Variants in PAQR5 observed in about 807,000 individuals in gnomAD.
PAQR5 encodes progestin and adipoQ receptor family member 5.
Under a neutral mutation model 34.5 loss-of-function variants are expected in PAQR5, and 20 were observed. The observed-to-expected ratio is 0.58, with a 90% CI of 0.41 to 0.84. PAQR5 has a LOEUF of 0.84. PAQR5 is among the 40% of genes least tolerant of loss of function. The pLI, the probability that PAQR5 is intolerant of heterozygous loss-of-function variation, is 0.00. For synonymous variants in PAQR5, 131 were observed against 155.6 expected (o/e 0.84, Z 1.18); for missense variants, 378 against 412.7 (o/e 0.92, Z 0.73).
intron 1 of PAQR5, among the ~76,000 whole-genome samples, chr15:69,318,727 CTA>C (rs1455018961): frequency 1.3e-5 from 2 of 151,886 alleles, no homozygotes; most frequent in African/African-American, 4.8e-5. Flanking sequence ...CTGGTATATA[CTA>C]TGTTTTTTCC....
At chr15:69,341,245 C>T (rs963520422) in intron 2 of PAQR5, among the ~76,000 whole-genome samples, 21 of 147,984 alleles carry the variant, frequency 1.4e-4, no homozygotes, top group African/African-American at 5.2e-4. Flanking sequence ...CTATTCCAGG[C>T]ATGTCATCTC....
At chr15:69,300,419 C>A (rs931507636) in intron 1 of PAQR5, among the ~76,000 whole-genome samples, 6 of 152,094 alleles carry the variant, frequency 3.9e-5, no homozygotes, top group African/African-American at 1.4e-4. Context: ...CTTATCTCTG[C>A]CCTTGGCAAG....
intron 1 of PAQR5, among the ~76,000 whole-genome samples, chr15:69,316,410 A>G (rs1177118697): frequency 6.6e-6 from 1 of 152,130 alleles, no homozygotes; most frequent in Admixed American, 6.5e-5. Flanking sequence ...ATTTTGCCTC[A>G]GCCCTTTAAA....
intron 6 of PAQR5, among the ~76,000 whole-genome samples, chr15:69,395,780 C>CG (rs1385135554): frequency 3.3e-5 from 5 of 152,070 alleles, no homozygotes; most frequent in South Asian, 2.1e-4. Context: ...GGTTCTTTTT[C>CG]GGGGGGGATG....
chr15:69,351,457 C>T (rs2054915680), intron 2 of PAQR5, among the ~76,000 whole-genome samples: 1 of 152,252 alleles, frequency 6.6e-6, no homozygotes, highest in Non-Finnish European at 1.5e-5. Context: ...ACCTGGTATG[C>T]TGCCACGGAT....
intron 1 of PAQR5, among the ~76,000 whole-genome samples, chr15:69,299,259 G>A (rs905568758): frequency 6.6e-6 from 1 of 152,178 alleles, no homozygotes; most frequent in Non-Finnish European, 1.5e-5. Flanking sequence ...TTCACCGCAC[G>A]CGGGGCCGGT....
chr15:69,400,695 G>C (rs2056600722), intron 8 of PAQR5, among the ~76,000 whole-genome samples: 2 of 152,118 alleles, frequency 1.3e-5, no homozygotes, highest in Non-Finnish European at 2.9e-5. Flanking sequence ...AGTACATTGG[G>C]AGCAGCCGAG....
chr15:69,318,917 T>G (rs1157011822), intron 1 of PAQR5, among the ~76,000 whole-genome samples: 1 of 151,630 alleles, frequency 6.6e-6, no homozygotes, highest in Non-Finnish European at 1.5e-5. Context: ...GATCACCACC[T>G]AAGGTCGGGT....
rs1226644755 is a variant in PAQR5 at position 69,322,137 on chromosome 15, G to A, written c.-276-15204G>A. Among the ~76,000 whole-genome samples, 28 of 137,484 alleles carry A rather than the reference G, an allele frequency of 2.0e-4. 1 individual carries two copies. The highest frequency in any genetic ancestry group is 7.7e-4 in the African/African-American group (26 of 33,822). 90.2% of individuals were successfully genotyped at this position (137,484 alleles called of 152,430 possible). A position where few individuals can be genotyped will look rare whatever the true frequency, so the allele number is the denominator to read the frequency against. On this transcript the variant is annotated intron_variant, in intron 1 of 8. Transcript: ENST00000395407. ...GGAGGGTCACTTGAGACCAGCCTGG[G>A]CAACATAGTGAGACCCCATTTCTAA...
intron 2 of PAQR5, among the ~76,000 whole-genome samples, chr15:69,351,856 G>T (rs1196393923): frequency 6.6e-6 from 1 of 152,168 alleles, no homozygotes; most frequent in Non-Finnish European, 1.5e-5. Flanking sequence ...GGGATAAGTT[G>T]TTGCATTTGG....
chr15:69,305,946 G>A (rs557743165), intron 1 of PAQR5, among the ~76,000 whole-genome samples: 1 of 152,282 alleles, frequency 6.6e-6, no homozygotes, highest in African/African-American at 2.4e-5. Context: ...CAGACTGTGA[G>A]GTTTGGGATA....
intron 2 of PAQR5, among the ~76,000 whole-genome samples, chr15:69,344,325 T>A (rs8026201): frequency 6.6e-6 from 1 of 152,140 alleles, no homozygotes; most frequent in Non-Finnish European, 1.5e-5. Flanking sequence ...ATAGCTGTCA[T>A]GCCAGAGAGA....
chr15:69,397,108 C>G (rs1450379974), intron 6 of PAQR5: 1 of 455,576 alleles, frequency 2.2e-6, no homozygotes, highest in Non-Finnish European at 4.4e-6. Flanking sequence ...CCCCGATTCC[C>G]CCTACCCGTT....
intron 2 of PAQR5, among the ~76,000 whole-genome samples, chr15:69,355,963 C>T (rs1007863831): frequency 6.6e-6 from 1 of 152,046 alleles, no homozygotes; most frequent in Non-Finnish European, 1.5e-5. Flanking sequence ...CTTTCTTAAG[C>T]TATTCACTTA....
intron 2 of PAQR5, among the ~76,000 whole-genome samples, chr15:69,346,472 A>G (rs760517927): frequency 2.6e-5 from 4 of 151,606 alleles, no homozygotes; most frequent in Non-Finnish European, 4.4e-5. Flanking sequence ...TGCCCAGTTA[A>G]TATTTTTTGT....
chr15:69,359,033 G>T (rs2140837174), intron 2 of PAQR5, among the ~76,000 whole-genome samples: 1 of 152,260 alleles, frequency 6.6e-6, no homozygotes, highest in African/African-American at 2.4e-5. Context: ...TGGAGGCTGG[G>T]AAGTCCAAGG....
chr15:69,311,071 A>G (rs1285242075), intron 1 of PAQR5, among the ~76,000 whole-genome samples: 2 of 147,490 alleles, frequency 1.4e-5, no homozygotes, highest in South Asian at 4.3e-4. Context: ...AAAAAGAATA[A>G]TGAGTGTTGA....
At chr15:69,367,725 G>A (rs1364083798) in intron 3 of PAQR5, among the ~76,000 whole-genome samples, 3 of 152,164 alleles carry the variant, frequency 2.0e-5, no homozygotes, top group East Asian at 1.9e-4. Context: ...AAAAAGATTC[G>A]GGCACAGAAA....
At chr15:69,314,985 C>A (rs2053914236) in intron 1 of PAQR5, among the ~76,000 whole-genome samples, 1 of 152,138 alleles carries the variant, frequency 6.6e-6, no homozygotes. Flanking sequence ...GCCGGGCACT[C>A]TATTAAATGT....
Sources: gnomAD v4.1 joint callset for allele counts (sites outside exome capture counted in the v4.1 genomes callset) on GRCh38, gnomAD v4.1.1 for gene constraint, MANE v1.5 for transcripts, NCBI Gene and HGNC (gene_info 2026-07-23, HGNC 2026-07-21) for gene names.